The following RIMS2 variants were observed in gnomAD, a reference collection of about 807,000 sequenced individuals.
RIMS2 encodes the protein regulating synaptic membrane exocytosis 2, also known as regulating synaptic membrane exocytosis protein 2.
Under a neutral mutation model 174.4 loss-of-function variants are expected in RIMS2, and 59 were observed. The observed-to-expected ratio is 0.34, with a 90% CI of 0.27 to 0.42. The LOEUF is 0.42. Ranked by LOEUF, RIMS2 falls within the 10% of genes least tolerant of loss-of-function variation. The pLI is 1.00. For synonymous variants in RIMS2, 606 were observed against 572.5 expected, an observed-to-expected ratio of 1.06 and a Z score of -0.84; for missense variants, 1,620 against 1,666.3, an observed-to-expected ratio of 0.97 and a Z score of 0.48.
intron 19 of RIMS2, among the ~76,000 whole-genome samples, chr8:104,074,356 T>A (rs2097252647): frequency 6.6e-6 from 1 of 152,188 alleles, no homozygotes; most frequent in African/African-American, 2.4e-5. Flanking sequence ...GTATCTATTT[T>A]ATAGGGTAGT....
At chr8:103,974,668 C>T (rs1455739499) in intron 15 of RIMS2, among the ~76,000 whole-genome samples, 1 of 152,130 alleles carries the variant, frequency 6.6e-6, no homozygotes, top group South Asian at 2.1e-4. Context: ...TGGGTTGTTA[C>T]TCTCTTCTGA....
intron 19 of RIMS2, among the ~76,000 whole-genome samples, chr8:104,089,887 A>C (rs2097607463): frequency 6.6e-6 from 1 of 151,670 alleles, no homozygotes; most frequent in Non-Finnish European, 1.5e-5. Context: ...AATGGAGTGT[A>C]TTCTTATCTC....
chr8:104,187,255 T>C (rs1161506563), intron 19 of RIMS2, among the ~76,000 whole-genome samples: 1 of 151,812 alleles, frequency 6.6e-6, no homozygotes, highest in Non-Finnish European at 1.5e-5. Flanking sequence ...TCCAAAATAA[T>C]TCAGTGTAGG....
chr8:103,855,131 C>G (rs1284788720), intron 3 of RIMS2, among the ~76,000 whole-genome samples: 4 of 151,860 alleles, frequency 2.6e-5, no homozygotes, highest in African/African-American at 9.7e-5. Flanking sequence ...TCTGTATTTT[C>G]TAGTTTTTGT....
At chr8:103,790,389 G>T (rs530351215) in intron 3 of RIMS2, among the ~76,000 whole-genome samples, 1 of 152,184 alleles carries the variant, frequency 6.6e-6, no homozygotes, top group Admixed American at 6.5e-5. Flanking sequence ...CTTTCAGTTA[G>T]CATAATGTTT....
intron 6 of RIMS2, among the ~76,000 whole-genome samples, chr8:103,914,148 T>A (rs990302395): frequency 2.0e-5 from 3 of 152,260 alleles, no homozygotes. Flanking sequence ...GTGCCTATAG[T>A]CCCAGCTACT....
intron 3 of RIMS2, among the ~76,000 whole-genome samples, chr8:103,773,863 T>C (rs959004676): frequency 6.6e-6 from 1 of 152,166 alleles, no homozygotes; most frequent in Non-Finnish European, 1.5e-5. Flanking sequence ...AATATCTTGC[T>C]AGTGAAAGTA....
intron 1 of RIMS2, among the ~76,000 whole-genome samples, chr8:103,523,388 G>A (rs562004240): frequency 1.3e-5 from 2 of 152,132 alleles, no homozygotes; most frequent in South Asian, 2.1e-4. Flanking sequence ...GTAATTTTGT[G>A]TGTGTGTTTG....
intron 1 of RIMS2, among the ~76,000 whole-genome samples, chr8:103,685,249 G>T (rs77472944): frequency 0.064 from 9,712 of 152,116 alleles, 392 homozygotes; most frequent in South Asian, 0.088. Flanking sequence ...GCTGTCATTG[G>T]CTTCTGGTGG....
intron 1 of RIMS2, among the ~76,000 whole-genome samples, chr8:103,621,937 T>A (rs1025645195): frequency 6.6e-6 from 1 of 152,226 alleles, no homozygotes; most frequent in Admixed American, 6.5e-5. Context: ...TACTGGGCTA[T>A]GAGGGTAACC....
intron 3 of RIMS2, chr8:103,768,646 G>C (rs891942047): frequency 3.4e-6 from 3 of 876,414 alleles, no homozygotes; most frequent in Non-Finnish European, 5.9e-6. Context: ...AAATATTCCA[G>C]GATTGACTGA....
chr8:104,059,708 G>C (rs998762672), intron 19 of RIMS2, among the ~76,000 whole-genome samples: 145 of 150,910 alleles, frequency 9.6e-4, no homozygotes, highest in African/African-American at 3.4e-3. Flanking sequence ...CTGTGGGTTT[G>C]TCATAGATAG....
At chr8:103,870,560 G>A (rs1037566209) in intron 3 of RIMS2, among the ~76,000 whole-genome samples, 3 of 151,550 alleles carry the variant, frequency 2.0e-5, no homozygotes, top group Non-Finnish European at 2.9e-5. Flanking sequence ...GTTCAGTGTT[G>A]TTTATTAAAT....
intron 1 of RIMS2, among the ~76,000 whole-genome samples, chr8:103,514,950 C>G (rs1276532454): frequency 4.0e-5 from 6 of 151,822 alleles, no homozygotes; most frequent in African/African-American, 1.4e-4. Flanking sequence ...AAAACACACA[C>G]AAAACAAAAA....
intron 4 of RIMS2, among the ~76,000 whole-genome samples, chr8:103,904,293 T>G (rs1331659471): frequency 1.3e-5 from 2 of 152,112 alleles, no homozygotes; most frequent in Admixed American, 1.3e-4. Context: ...ATAAGTAGCA[T>G]TCCATGGTAT....
At chr8:104,152,669 TTATA>T (rs2098696865) in intron 19 of RIMS2, among the ~76,000 whole-genome samples, 1 of 152,124 alleles carries the variant, frequency 6.6e-6, no homozygotes, top group African/African-American at 2.4e-5. Context: ...TGAACTAGTT[TTATA>T]ATGCTGGATC....
intron 14 of RIMS2, among the ~76,000 whole-genome samples, chr8:103,952,483 C>T (rs1218347012): frequency 6.6e-6 from 1 of 152,144 alleles, no homozygotes; most frequent in African/African-American, 2.4e-5. Flanking sequence ...ATGCAGCAGA[C>T]CTCTAGCAAA....
intron 3 of RIMS2, among the ~76,000 whole-genome samples, chr8:103,869,687 C>A (rs981325243): frequency 9.9e-5 from 15 of 151,986 alleles, no homozygotes; most frequent in African/African-American, 3.4e-4. Flanking sequence ...CCTTGTGAAA[C>A]TGTGGGTTAT....
intron 2 of RIMS2, among the ~76,000 whole-genome samples, chr8:103,747,755 A>T (rs2097840854): frequency 6.6e-6 from 1 of 152,174 alleles, no homozygotes; most frequent in African/African-American, 2.4e-5. Flanking sequence ...GTTGCCATTA[A>T]CTGTTATGGG....
Sources: gnomAD v4.1 joint callset for allele counts (sites outside exome capture counted in the v4.1 genomes callset) on GRCh38, gnomAD v4.1.1 for gene constraint, MANE v1.5 for transcripts, NCBI Gene and HGNC (gene_info 2026-07-23, HGNC 2026-07-21) for gene names.